The following SLC25A48 variants were observed in gnomAD, a reference collection of about 807,000 sequenced individuals.
The protein encoded by SLC25A48 is CTC-321K16.1.
Under a neutral mutation model 32.2 loss-of-function variants are expected in SLC25A48, and 29 were observed. The ratio of observed to expected loss-of-function variants is 0.90; its 90% confidence interval spans 0.67 to 1.23. SLC25A48 has a LOEUF of 1.23. Among genes scored for constraint, SLC25A48 ranks in the 50% most tolerant of loss-of-function variants. The pLI is 0.00. For synonymous variants in SLC25A48, 164 were observed against 172.3 expected (o/e 0.95, Z 0.38); for missense variants, 399 against 422.7 (o/e 0.94, Z 0.49).
intron 3 of SLC25A48, among the ~76,000 whole-genome samples, chr5:135,681,684 C>G (rs1580780852): frequency 6.6e-6 from 1 of 152,224 alleles, no homozygotes; most frequent in East Asian, 1.9e-4. Flanking sequence ...TTTAAATATT[C>G]TTAAGCTTTG....
chr5:135,617,289 G>T (rs369681026), intron 1 of SLC25A48, among the ~76,000 whole-genome samples: 3 of 151,924 alleles, frequency 2.0e-5, no homozygotes, highest in Admixed American at 1.3e-4. Context: ...TATTTATGTG[G>T]TATGAGTTGT....
At chr5:135,834,348 A>G (rs1249824718), upstream of SLC25A48, among the ~76,000 whole-genome samples, 1 of 152,216 alleles carries the variant, frequency 6.6e-6, no homozygotes, top group Non-Finnish European at 1.5e-5. Flanking sequence ...ATGAACAAAA[A>G]GGCATCACTG....
chr5:135,715,638 G>T (rs1754779395), intron 3 of SLC25A48, among the ~76,000 whole-genome samples: 1 of 152,214 alleles, frequency 6.6e-6, no homozygotes, highest in African/African-American at 2.4e-5. Context: ...GGGATGTTTG[G>T]GCACTAGAGT....
chr5:135,580,910 C>A (rs1313215680), intron 1 of SLC25A48, among the ~76,000 whole-genome samples: 1 of 152,136 alleles, frequency 6.6e-6, no homozygotes, highest in African/African-American at 2.4e-5. Flanking sequence ...TGTGGCTAGC[C>A]TTGCTACAAC....
chr5:135,717,013 T>A (rs891250283), intron 3 of SLC25A48, among the ~76,000 whole-genome samples: 2 of 152,110 alleles, frequency 1.3e-5, no homozygotes, highest in Non-Finnish European at 2.9e-5. Context: ...ATAGCTAAGA[T>A]TTTTTTTGCA....
intron 3 of SLC25A48, among the ~76,000 whole-genome samples, chr5:135,801,826 C>T (rs1295256022): frequency 6.6e-6 from 1 of 151,574 alleles, no homozygotes; most frequent in South Asian, 2.1e-4. Flanking sequence ...GGTGTACATT[C>T]CTCTATCATA....
Position 135,888,389 on chromosome 5 carries a change from G to A in SLC25A48, c.*365G>A, listed in dbSNP as rs1581079260. ...TCTGAGGATGGGGAGGGGCCAGTGA[G>A]CTCTGGGCTCAGCCACTCCCTCCAG... On this transcript the variant is annotated 3_prime_UTR_variant, in exon 8 of 8. Transcript: ENST00000681962. 1 of 289,790 alleles carries A rather than the reference G, an allele frequency of 3.5e-6. No individual in the cohort carries two copies. The highest frequency in any genetic ancestry group is 6.6e-6 in the Non-Finnish European group (1 of 151,206). The allele number at this position is 289,790 out of a possible 1,614,324, so 18.0% of individuals were successfully genotyped here.
chr5:135,637,571 C>T (rs948898111), intron 3 of SLC25A48, among the ~76,000 whole-genome samples: 3 of 152,170 alleles, frequency 2.0e-5, no homozygotes, highest in Non-Finnish European at 4.4e-5. Context: ...AGGAGTATAG[C>T]AATTTTATTT....
chr5:135,693,069 A>G (rs1193572957), intron 3 of SLC25A48, among the ~76,000 whole-genome samples: 11 of 152,352 alleles, frequency 7.2e-5, no homozygotes, highest in Admixed American at 5.9e-4. Flanking sequence ...CATTGGTTCC[A>G]TCATTCAGTG....
At chr5:135,622,027 A>G (rs1264191579) in intron 1 of SLC25A48, among the ~76,000 whole-genome samples, 2 of 152,254 alleles carry the variant, frequency 1.3e-5, no homozygotes, top group Non-Finnish European at 2.9e-5. Flanking sequence ...AGGGCAAAGG[A>G]CATAAATAAC....
chr5:135,771,270 T>C (rs1561484917), intron 3 of SLC25A48, among the ~76,000 whole-genome samples: 1 of 151,626 alleles, frequency 6.6e-6, no homozygotes, highest in Non-Finnish European at 1.5e-5. Flanking sequence ...CTCTGCGATA[T>C]GGTTCATAAT....
At chr5:135,746,057 G>C (rs531600913) in intron 3 of SLC25A48, among the ~76,000 whole-genome samples, 1 of 152,164 alleles carries the variant, frequency 6.6e-6, no homozygotes. Flanking sequence ...CCTCCTCCCT[G>C]TCACTCATTT....
intron 4 of SLC25A48, among the ~76,000 whole-genome samples, chr5:135,823,269 C>T (rs1378389018): frequency 1.3e-5 from 2 of 152,128 alleles, no homozygotes; most frequent in Non-Finnish European, 2.9e-5. Context: ...ATCAAAGGGG[C>T]CCCCTGCCAT....
intron 1 of SLC25A48, among the ~76,000 whole-genome samples, chr5:135,838,155 A>G (rs1223010803): frequency 6.6e-6 from 1 of 152,230 alleles, no homozygotes; most frequent in Non-Finnish European, 1.5e-5. Flanking sequence ...GTTTTAGCAA[A>G]GAGACTGGTG....
intron 1 of SLC25A48, among the ~76,000 whole-genome samples, chr5:135,603,535 C>T (rs1751851384): frequency 6.6e-6 from 1 of 152,204 alleles, no homozygotes; most frequent in South Asian, 2.1e-4. Context: ...TGGCCTCATC[C>T]CTCTGACGGC....
At chr5:135,806,527 T>C (rs1757467094) in intron 3 of SLC25A48, among the ~76,000 whole-genome samples, 1 of 151,326 alleles carries the variant, frequency 6.6e-6, no homozygotes, top group African/African-American at 2.4e-5. Flanking sequence ...CTGGATATCA[T>C]AAATATCAAG....
chr5:135,715,325 G>A (rs923049213), intron 3 of SLC25A48, among the ~76,000 whole-genome samples: 5 of 152,232 alleles, frequency 3.3e-5, no homozygotes, highest in African/African-American at 1.2e-4. Context: ...AGCAGGGGAT[G>A]AAGTGAGTGG....
At chr5:135,737,772 T>C (rs1484030051) in intron 3 of SLC25A48, among the ~76,000 whole-genome samples, 1 of 152,140 alleles carries the variant, frequency 6.6e-6, no homozygotes, top group African/African-American at 2.4e-5. Flanking sequence ...GTGCTGCACC[T>C]CCGGGTCACT....
chr5:135,769,724 ATG>A, intron 3 of SLC25A48, among the ~76,000 whole-genome samples: 3 of 146,284 alleles, frequency 2.1e-5, no homozygotes, highest in Non-Finnish European at 4.5e-5. Context: ...GGAGAGGATG[ATG>A]TTACTCCCAA....
Sources: gnomAD v4.1 joint callset for allele counts (sites outside exome capture counted in the v4.1 genomes callset) on GRCh38, gnomAD v4.1.1 for gene constraint, MANE v1.5 for transcripts, NCBI Gene and HGNC (gene_info 2026-07-23, HGNC 2026-07-21) for gene names.